The following HPGD variants were observed in gnomAD, a reference collection of about 807,000 sequenced individuals.
The protein encoded by HPGD is 15-hydroxyprostaglandin dehydrogenase [NAD(+)].
HPGD carries 29 observed loss-of-function variants against 30.0 expected under a neutral mutation model. The observed-to-expected ratio is 0.97, with a 90% confidence interval of 0.72 to 1.32. HPGD has a LOEUF of 1.32. Ranked by LOEUF, HPGD falls within the 40% of genes most tolerant of loss-of-function variation. The pLI is 0.00. For missense variants in HPGD, 340 were observed against 322.1 expected, an observed-to-expected ratio of 1.06 and a Z score of -0.43; for synonymous variants, 99 against 112.4, an observed-to-expected ratio of 0.88 and a Z score of 0.75.
chr4:174,509,422 T>C (rs1309505360), intron 3 of HPGD, among the ~76,000 whole-genome samples: 1 of 152,220 alleles, frequency 6.6e-6, no homozygotes, highest in Non-Finnish European at 1.5e-5. Context: ...TCCTTGACAG[T>C]GGCTGGTTTC....
chr4:174,511,794 C>G (rs1735514391), intron 3 of HPGD, among the ~76,000 whole-genome samples: 1 of 152,286 alleles, frequency 6.6e-6, no homozygotes, highest in South Asian at 2.1e-4. Flanking sequence ...CTACAGGCGT[C>G]CGCCACCACG....
chr4:174,496,416 C>G lies in HPGD; in HGVS notation c.422-792G>C, dbSNP rs773624048. ...CTATAGCATCTCTTCTCCCCCAACTCCAGCCTAGCTCAGCTCTCCGAAAAG... is the reference window on the plus strand; with the variant it reads ...CTATAGCATCTCTTCTCCCCCAACTGCAGCCTAGCTCAGCTCTCCGAAAAG... On this transcript the variant is annotated intron_variant, in intron 4 of 6. Transcript: ENST00000296522. The surrounding 1 kb of genome is among the most constrained non-coding windows in gnomAD (Gnocchi z 4.6). Among the ~76,000 whole-genome samples the G allele has an allele frequency of 7.9e-5, 12 of 152,256 alleles. No homozygotes were observed. In the Middle Eastern group the frequency reaches 0.014, roughly 173 times the overall value.
intron 3 of HPGD, among the ~76,000 whole-genome samples, chr4:174,510,635 A>T (rs1735439207): frequency 6.6e-6 from 1 of 152,142 alleles, no homozygotes; most frequent in Admixed American, 6.5e-5. Flanking sequence ...AAGGCAAGGG[A>T]TTATTTTTCT....
intron 2 of HPGD, among the ~76,000 whole-genome samples, chr4:174,519,314 C>T (rs938302908): frequency 3.3e-4 from 50 of 151,554 alleles, no homozygotes; most frequent in South Asian, 2.1e-4. Flanking sequence ...CCCGGGTTCA[C>T]GCCATTCTCC....
At chr4:174,518,940 T>C (rs1037984719) in intron 2 of HPGD, among the ~76,000 whole-genome samples, 1 of 152,192 alleles carries the variant, frequency 6.6e-6, no homozygotes. Flanking sequence ...GTTGTTTTTC[T>C]ACATGACGGA....
At chr4:174,510,355 A>G (rs746621534) in intron 3 of HPGD, among the ~76,000 whole-genome samples, 9 of 152,248 alleles carry the variant, frequency 5.9e-5, no homozygotes, top group Non-Finnish European at 1.3e-4. Flanking sequence ...AATTGTTTAT[A>G]TAAGAAGAAA....
At position 174,492,963 on chromosome 4, in the gene HPGD, A is replaced by G. The variant is rs1372869701; in HGVS notation, c.662+188T>C. 1.3e-5 allele frequency among the ~76,000 whole-genome samples: 2 copies of G among 152,128 alleles called. No homozygotes were observed. The highest frequency in any genetic ancestry group is 2.9e-5 in the Non-Finnish European group (2 of 67,982). On this transcript the variant is annotated intron_variant, in intron 6 of 6. Transcript: ENST00000296522. The surrounding 1 kb of genome is among the most constrained non-coding windows in gnomAD (Gnocchi z 4.9). ...TACATATTTCAAAGTAACATTCATA[A>G]TGTATAAACTTACATTCTATTTATA...
rs1296705368 is a variant in HPGD, at chr4:174,492,744, T to A, written c.662+407A>T. Among the ~76,000 whole-genome samples, 1 of 152,070 alleles carries A rather than the reference T, an allele frequency of 6.6e-6. No individual in the cohort carries two copies. Among genetic ancestry groups the A allele is most frequent in the African/African-American group, 2.4e-5 (1 of 41,442 alleles). On this transcript the variant is annotated intron_variant, in intron 6 of 6. Transcript: ENST00000296522. The surrounding 1 kb of genome is among the most constrained non-coding windows in gnomAD (Gnocchi z 4.9). ...CTCAGTTGCTTGAATTCAGACATAA[T>A]TCACTGAGAAAGTATGTGTCCATGT...
At position 174,501,009 on chromosome 4, in the gene HPGD, G is replaced by A. The variant is rs559214966; in HGVS notation, c.422-5385C>T. On this transcript the variant is annotated intron_variant, in intron 4 of 6. Coordinates refer to ENST00000296522, the MANE Select transcript of HPGD (RefSeq NM_000860.6). ...TAACTTGGTTTGATTTCTGAACCTT[G>A]GCAAACTGGACTGTTTCTAATCTTA... 3.9e-5 allele frequency among the ~76,000 whole-genome samples: 6 copies of A among 152,262 alleles called. 1 individual carries two copies. In the South Asian group the frequency reaches 1.2e-3, roughly 32 times the overall value.
intron 3 of HPGD, among the ~76,000 whole-genome samples, chr4:174,509,457 G>T (rs1735365144): frequency 6.6e-6 from 1 of 152,272 alleles, no homozygotes; most frequent in Admixed American, 6.5e-5. Flanking sequence ...ACCCAGTTTT[G>T]GTCAGTGAGA....
intron 4 of HPGD, chr4:174,506,803 A>G (rs2110825169): frequency 6.6e-6 from 1 of 152,330 alleles, no homozygotes; most frequent in South Asian, 2.1e-4. Context: ...CTTATGGTAA[A>G]GAATTTCTCC....
In HPGD at chr4:174,518,138, T is replaced by C. The variant is rs1560989605; in HGVS notation, c.218-61A>G. 1.6e-5 allele frequency: 13 copies of C among 834,458 alleles called. No homozygotes were observed. In the Admixed American group the frequency reaches 2.1e-4, roughly 14 times the overall value. The allele number at this position is 834,458 out of a possible 1,614,324, so 51.7% of individuals were successfully genotyped here. ...ATTTTCCATGTATACATTTAAATCA[T>C]GTCCTATGCCATGAGAGGAATTTCA... On this transcript the variant is annotated intron_variant, in intron 2 of 6. Transcript: ENST00000296522.
At chr4:174,505,999 A>G (rs1735167683) in intron 4 of HPGD, among the ~76,000 whole-genome samples, 1 of 152,230 alleles carries the variant, frequency 6.6e-6, no homozygotes, top group Admixed American at 6.5e-5. Flanking sequence ...CTGAATTTAT[A>G]TCAAGTCATC....
At chr4:174,506,036 C>T (rs1372901920) in intron 4 of HPGD, among the ~76,000 whole-genome samples, 1 of 152,116 alleles carries the variant, frequency 6.6e-6, no homozygotes, top group Non-Finnish European at 1.5e-5. Context: ...TAGAGAAATG[C>T]CCACACATGA....
rs183435018 is a variant in HPGD, at chr4:174,494,234, T to C, written c.499-920A>G. On this transcript the variant is annotated intron_variant, in intron 5 of 6. Transcript: ENST00000296522. The surrounding 1 kb of genome is among the most constrained non-coding windows in gnomAD (Gnocchi z 4.9). ...ATGAGTTCAATGTTCATACAACCTA[T>C]GATAAATAAGGTTCTTTAAACAGGA... 2.8e-3 allele frequency among the ~76,000 whole-genome samples: 427 copies of C among 152,270 alleles called. 2 individuals are homozygous for C. The highest frequency in any genetic ancestry group is 4.9e-3 in the Non-Finnish European group (336 of 68,036).
In HPGD at chr4:174,492,649, G is replaced by A. The variant is rs1734393491; in HGVS notation, c.662+502C>T. On this transcript the variant is annotated intron_variant, in intron 6 of 6. Transcript: ENST00000296522. This position sits in a 1 kb window ranked among gnomAD's most constrained non-coding sequence, Gnocchi z 4.9. The stretch of plus-strand genomic sequence containing the variant: ...TAGAGGTATGATGGGTAAGTTCATG[G>A]TTAGTGGTAGAGCCAAGATTTGATC... Among the ~76,000 whole-genome samples, 2 of 151,978 alleles carry A rather than the reference G, an allele frequency of 1.3e-5. No individual in the cohort carries two copies. Among genetic ancestry groups the A allele is most frequent in the Non-Finnish European group, 2.9e-5 (2 of 67,904 alleles).
At position 174,494,095 on chromosome 4, in the gene HPGD, C is replaced by G. The variant is rs1410247193; in HGVS notation, c.499-781G>C. ...TCTGCTGTTTAAAATGGCTGCCAAA[C>G]CCACTGCAGAAGTGCTGTGTAGTGT... On this transcript the variant is annotated intron_variant, in intron 5 of 6. Transcript: ENST00000296522. This position sits in a 1 kb window ranked among gnomAD's most constrained non-coding sequence, Gnocchi z 4.9. Among the ~76,000 whole-genome samples, 2 of 152,128 alleles carry G rather than the reference C, an allele frequency of 1.3e-5. No homozygotes were observed. Among genetic ancestry groups the G allele is most frequent in the African/African-American group, 2.4e-5 (1 of 41,426 alleles).
At chr4:174,509,318 T>C (rs762668782) in intron 3 of HPGD, among the ~76,000 whole-genome samples, 6 of 152,222 alleles carry the variant, frequency 3.9e-5, no homozygotes, top group Non-Finnish European at 5.9e-5. Flanking sequence ...CTCCTGTATC[T>C]ACCTCCTCTC....
chr4:174,512,324 A>T (rs575340437), intron 3 of HPGD, among the ~76,000 whole-genome samples: 1 of 152,222 alleles, frequency 6.6e-6, no homozygotes, highest in African/African-American at 2.4e-5. Context: ...TACTAGCATG[A>T]ATAGCATGAA....
Sources: allele counts gnomAD v4.1 joint callset (sites outside exome capture counted in the v4.1 genomes callset), GRCh38; gene constraint gnomAD v4.1.1; non-coding constraint Gnocchi (gnomAD v3.1); transcripts MANE v1.5; gene names NCBI Gene and HGNC (gene_info 2026-07-23, HGNC 2026-07-21).